The following INTS15 variants were observed in gnomAD, a reference collection of about 807,000 sequenced individuals.
INTS15 encodes the protein integrator complex subunit 15.
At chr7:6,598,017 C>T in the INTS15 span, among the ~76,000 whole-genome samples, 12 of 152,288 alleles carry the variant, frequency 7.9e-5, no homozygotes, top group East Asian at 1.3e-3. Flanking sequence ...AACATGCCAA[C>T]GTGTATGATG....
At chr7:6,596,095 A>C in the INTS15 span, among the ~76,000 whole-genome samples, 2 of 149,970 alleles carry the variant, frequency 1.3e-5, no homozygotes, top group African/African-American at 2.5e-5. Flanking sequence ...TCTGTCGCCC[A>C]GGCTAGAATG....
the INTS15 span, among the ~76,000 whole-genome samples, chr7:6,603,985 A>G: frequency 1.3e-5 from 2 of 152,004 alleles, no homozygotes; most frequent in Non-Finnish European, 2.9e-5. Flanking sequence ...CAACAGAGCA[A>G]GACCCTGTCT....
chr7:6,603,804 G>A, the INTS15 span, among the ~76,000 whole-genome samples: 11 of 151,948 alleles, frequency 7.2e-5, no homozygotes, highest in African/African-American at 2.4e-4. Context: ...GCACCATTGC[G>A]TTCCAGCCTG....
chr7:6,607,560 G>T, the INTS15 span: 2 of 1,334,378 alleles, frequency 1.5e-6, no homozygotes, highest in South Asian at 1.2e-5. The surrounding 1 kb of genome is among the most constrained non-coding windows in gnomAD (Gnocchi z 6.0). Context: ...GGGGTCGTTT[G>T]CAAGGCCAGC....
At chr7:6,604,961 T>C in the INTS15 span, among the ~76,000 whole-genome samples, 1 of 152,124 alleles carries the variant, frequency 6.6e-6, no homozygotes. Flanking sequence ...GCCCACACTC[T>C]TCCTCTCCTC....
the INTS15 span, among the ~76,000 whole-genome samples, chr7:6,591,262 G>C: frequency 6.9e-6 from 1 of 143,986 alleles, no homozygotes; most frequent in Non-Finnish European, 1.5e-5. Flanking sequence ...GTTATTTCCT[G>C]TTTTTCTTTT....
chr7:6,591,546 G>C, the INTS15 span: 1 of 1,067,600 alleles, frequency 9.4e-7, no homozygotes, highest in Non-Finnish European at 1.4e-6. Context: ...TTACAGGCAT[G>C]AGCCACCGCG....
the INTS15 span, chr7:6,591,600 C>T: frequency 1.4e-5 from 22 of 1,536,948 alleles, no homozygotes; most frequent in Middle Eastern, 3.4e-4. Flanking sequence ...TTAATAAGTA[C>T]GTTACAGCCA....
the INTS15 span, chr7:6,594,702 T>A: frequency 9.0e-7 from 1 of 1,110,836 alleles, no homozygotes; most frequent in Non-Finnish European, 1.3e-6. Flanking sequence ...ATGCTTTGGC[T>A]GTTTTGTCTC....
chr7:6,607,448 A>T, the INTS15 span: 1 of 800,560 alleles, frequency 1.2e-6, no homozygotes, highest in African/African-American at 5.5e-5. This position sits in a 1 kb window ranked among gnomAD's most constrained non-coding sequence, Gnocchi z 6.0. Context: ...GCGGGGTGGG[A>T]GGTGGGTGGG....
chr7:6,594,960 T>G, the INTS15 span, among the ~76,000 whole-genome samples: 1 of 152,058 alleles, frequency 6.6e-6, no homozygotes, highest in Non-Finnish European at 1.5e-5. Flanking sequence ...ACCCCTGATC[T>G]CAAGTGATCC....
chr7:6,600,554 C>T, the INTS15 span, among the ~76,000 whole-genome samples: 1 of 152,200 alleles, frequency 6.6e-6, no homozygotes, highest in African/African-American at 2.4e-5. Context: ...GTCCTAACAT[C>T]CCACAGATGG....
the INTS15 span, among the ~76,000 whole-genome samples, chr7:6,591,274 T>C: frequency 6.0e-5 from 9 of 150,694 alleles, no homozygotes; most frequent in East Asian, 1.4e-3. Context: ...TTTTCTTTTT[T>C]TTTTTTTTTT....
chr7:6,606,792 A>C, the INTS15 span, among the ~76,000 whole-genome samples: 1 of 150,492 alleles, frequency 6.6e-6, no homozygotes, highest in Non-Finnish European at 1.5e-5. Context: ...TGCAGCCTTG[A>C]ACTTCTGAAC....
chr7:6,593,447 C>T, the INTS15 span, among the ~76,000 whole-genome samples: 1 of 151,366 alleles, frequency 6.6e-6, no homozygotes, highest in Non-Finnish European at 1.5e-5. Context: ...TCTCCTGCCT[C>T]AGCCTCTCGA....
chr7:6,606,612 A>AG, the INTS15 span, among the ~76,000 whole-genome samples: 2 of 151,972 alleles, frequency 1.3e-5, no homozygotes, highest in Non-Finnish European at 2.9e-5. Flanking sequence ...TGTCTGCAGC[A>AG]GAAGCTTCCG....
chr7:6,608,551 C>G, the INTS15 span: 29 of 1,102,690 alleles, frequency 2.6e-5, no homozygotes, highest in Non-Finnish European at 3.1e-5. Context: ...AAAAAGTGGG[C>G]TCCTTCTGCA....
chr7:6,590,736 G>A, the INTS15 span, among the ~76,000 whole-genome samples: 3 of 152,188 alleles, frequency 2.0e-5, no homozygotes, highest in African/African-American at 7.2e-5. Flanking sequence ...CTCCCTAGAG[G>A]TCTGTTGGGC....
chr7:6,603,253 TAAAAA>T, the INTS15 span, among the ~76,000 whole-genome samples: 1 of 139,872 alleles, frequency 7.1e-6, no homozygotes, highest in African/African-American at 2.7e-5. Flanking sequence ...CTGTCAAAAA[TAAAAA>T]ATAAAAAGGC....
Sources: allele counts gnomAD v4.1 joint callset (sites outside exome capture counted in the v4.1 genomes callset), GRCh38; gene constraint gnomAD v4.1.1; non-coding constraint Gnocchi (gnomAD v3.1); transcripts MANE v1.5; gene names NCBI Gene and HGNC (gene_info 2026-07-23, HGNC 2026-07-21).